The following YJU2B variants were observed in gnomAD, a reference collection of about 807,000 sequenced individuals.
The protein encoded by YJU2B is probable splicing factor YJU2B.
A neutral mutation model predicts 38.0 loss-of-function variants in YJU2B; 18 were observed. That is an observed-to-expected ratio of 0.47 (90% CI 0.33 to 0.70). The LOEUF (loss-of-function observed/expected upper bound fraction) is 0.70. Ranked by LOEUF, YJU2B falls within the 30% of genes least tolerant of loss-of-function variation. The pLI, the probability that YJU2B is intolerant of heterozygous loss-of-function variation, is 0.02. For missense variants in YJU2B, 538 were observed against 556.3 expected, an observed-to-expected ratio of 0.97 and a Z score of 0.33; for synonymous variants, 246 against 225.4, an observed-to-expected ratio of 1.09 and a Z score of -0.82.
intron 8 of YJU2B, 64 bp from the exon 9 acceptor site, chr19:13,762,234 CT>C (rs1405828418): frequency 1.0e-5 from 16 of 1,571,336 alleles, no homozygotes; most frequent in Admixed American, 5.6e-5. Flanking sequence ...GCAGTGCCCC[CT>C]AGTACACAGA....
At chr19:13,757,989 A>AC (rs1973734690) in intron 6 of YJU2B, 143 bp downstream of exon 6, 1 of 645,842 alleles carries the variant, frequency 1.5e-6, no homozygotes, top group Non-Finnish European at 2.7e-6. Context: ...GGCACACCCC[A>AC]CCCCCGCAAC....
At position 13,757,400 on chromosome 19, in the gene YJU2B, T is replaced by C. The variant is rs532671223; in HGVS notation, c.141-18T>C. The stretch of plus-strand genomic sequence containing the variant: ...TCCAAGTGGACAAGTGCAAGTAAGA[T>C]GCTGTCTGTCTTTGCAGATTCGAAA... On this transcript the variant is annotated intron_variant, in intron 4 of 9. Transcript: ENST00000221554. The C allele has an allele frequency of 1.4e-5, 23 of 1,612,496 alleles. No individual in the cohort carries two copies. In the Admixed American group the frequency reaches 1.5e-4, roughly 11 times the overall value.
At chr19:13,737,631 A>C in intron 2 of YJU2B, among the ~76,000 whole-genome samples, 1 of 149,646 alleles carries the variant, frequency 6.7e-6, no homozygotes, top group Non-Finnish European at 1.5e-5. Flanking sequence ...CTAAAAATAC[A>C]AAAATTAGCC....
chr19:13,738,253 A>G (rs1973004256), intron 2 of YJU2B, among the ~76,000 whole-genome samples: 1 of 152,196 alleles, frequency 6.6e-6, no homozygotes, highest in Non-Finnish European at 1.5e-5. Flanking sequence ...GAGCAGAAGA[A>G]GTGGAAAAGG....
Position 13,740,555 on chromosome 19 carries a change from T to C in YJU2B, c.-202+8270T>C, listed in dbSNP as rs962826457. Among the ~76,000 whole-genome samples the C allele has an allele frequency of 7.2e-5, 11 of 152,172 alleles. No individual in the cohort carries two copies. The East Asian group carries it at 2.1e-3, about 29-fold the overall frequency. The stretch of plus-strand genomic sequence containing the variant: ...TTTTTGTTTGTTTGTTTGTTTTTTA[T>C]GTGATGGAGTCTCGCTCTGTCACCC... On this transcript the variant is annotated intron_variant, in intron 2 of 10. Coordinates refer to the YJU2B transcript ENST00000586600.
At chr19:13,741,445 G>T (rs1366898021) in intron 2 of YJU2B, among the ~76,000 whole-genome samples, 1 of 151,944 alleles carries the variant, frequency 6.6e-6, no homozygotes, top group Non-Finnish European at 1.5e-5. Context: ...GAGCCACCAT[G>T]CCTGGCCAGA....
intron 3 of YJU2B, among the ~76,000 whole-genome samples, chr19:13,755,376 G>A (rs555959625): frequency 1.7e-4 from 26 of 150,454 alleles, no homozygotes; most frequent in African/African-American, 5.7e-4. Context: ...CAGGAGAATC[G>A]CTTGAACCCG....
intron 8 of YJU2B, 137 bp from the exon 9 acceptor site, chr19:13,762,162 T>G (rs1973912259): frequency 9.5e-7 from 1 of 1,051,298 alleles, no homozygotes; most frequent in Non-Finnish European, 1.4e-6. Context: ...GCCACTGCAC[T>G]CCAGTCTGGG....
chr19:13,753,039 A>G (rs545506302), intron 2 of YJU2B, among the ~76,000 whole-genome samples: 46 of 152,350 alleles, frequency 3.0e-4, no homozygotes, highest in African/African-American at 1.0e-3. Context: ...CTTACCGTCA[A>G]TCACAGTCTC....
intron 2 of YJU2B, among the ~76,000 whole-genome samples, chr19:13,734,472 T>C (rs1972894429): frequency 6.6e-6 from 1 of 152,120 alleles, no homozygotes; most frequent in Admixed American, 6.6e-5. Context: ...GTATTTTTAG[T>C]AGAGACAGAG....
rs538005975 is a variant in YJU2B, at chr19:13,751,757, C to T, written c.-52C>T. ...AGGACAGTGCAGTGTGTTCACAAGG[C>T]CAGTTTCTGATCGTCCGCCCCGAGG... On this transcript the variant is annotated 5_prime_UTR_variant, in exon 2 of 10. Coordinates refer to ENST00000221554, the MANE Select transcript of YJU2B (RefSeq NM_030818.4). 3.1e-6 allele frequency: 5 copies of T among 1,610,694 alleles called. No individual in the cohort carries two copies. In the African/African-American group the frequency reaches 6.7e-5, roughly 22 times the overall value.
chr19:13,749,508 C>T (rs564517752), intron 1 of YJU2B, among the ~76,000 whole-genome samples: 2 of 152,318 alleles, frequency 1.3e-5, no homozygotes, highest in African/African-American at 4.8e-5. Flanking sequence ...CAGAGATAAT[C>T]TGGCCTAAAA....
At chr19:13,760,149 A>T (rs1397925808) in intron 8 of YJU2B, among the ~76,000 whole-genome samples, 1 of 151,052 alleles carries the variant, frequency 6.6e-6, no homozygotes, top group Non-Finnish European at 1.5e-5. Context: ...CTGGTCTCGA[A>T]CTCCCAACCT....
chr19:13,760,239 A>G (rs753484867), intron 8 of YJU2B, among the ~76,000 whole-genome samples: 4 of 152,010 alleles, frequency 2.6e-5, no homozygotes, highest in Non-Finnish European at 4.4e-5. Flanking sequence ...AAACAATAGA[A>G]TTTTATTTCT....
chr19:13,759,549 AG>A, intron 8 of YJU2B: 1 of 329,474 alleles, frequency 3.0e-6, no homozygotes. Context: ...CAGGAGTTCA[AG>A]ATCAGCCTGG....
intron 2 of YJU2B, among the ~76,000 whole-genome samples, chr19:13,739,159 T>C (rs536673159): frequency 6.6e-6 from 1 of 152,272 alleles, no homozygotes; most frequent in African/African-American, 2.4e-5. Flanking sequence ...GTCTTTAACC[T>C]TTTTAAGAGA....
At chr19:13,738,286 ACAT>A (rs1485847779) in intron 2 of YJU2B, among the ~76,000 whole-genome samples, 3 of 152,212 alleles carry the variant, frequency 2.0e-5, no homozygotes, top group African/African-American at 4.8e-5. Context: ...AGGTGGAATG[ACAT>A]CATCCATCAT....
rs747281093 is a variant in YJU2B at position 13,762,392 on chromosome 19, G to A, written c.667G>A (p.Asp223Asn). Residue 223 changes from aspartate (D) to asparagine (N), a missense_variant, in exon 9 of 10, where the codon GAT (aspartate) becomes AAT (asparagine). Physicochemically the swap from Asp to Asn is conservative, Grantham distance 23 (BLOSUM62 1). Coordinates refer to ENST00000221554, the MANE Select transcript of YJU2B (RefSeq NM_030818.4). ...LTIPLVPETE[D>N]DRKLAALLKF... ...CATCCCGCTGGTGCCCGAGACGGAA[G>A]ATGACCGCAAGCTGGCGGCTCTGCT... 2.5e-6 allele frequency: 4 copies of A among 1,613,748 alleles called. No individual in the cohort carries two copies. Among genetic ancestry groups the A allele is most frequent in the Non-Finnish European group, 3.4e-6 (4 of 1,180,034 alleles).
chr19:13,743,332 T>C (rs1457396749), upstream of YJU2B, among the ~76,000 whole-genome samples: 3 of 150,914 alleles, frequency 2.0e-5, no homozygotes, highest in African/African-American at 7.3e-5. Flanking sequence ...GTAATCCTAA[T>C]ACTTTGGGAG....
Sources: allele counts gnomAD v4.1 joint callset (sites outside exome capture counted in the v4.1 genomes callset), GRCh38; gene constraint gnomAD v4.1.1; transcripts MANE v1.5; gene names NCBI Gene and HGNC (gene_info 2026-07-23, HGNC 2026-07-21).